ADGRL2: variants seen among roughly 807,000 people sequenced by gnomAD.
ADGRL2 encodes the protein adhesion G protein-coupled receptor L2, also known as calcium-independent alpha-latrotoxin receptor 2.
ADGRL2 carries 44 observed loss-of-function variants against 157.4 expected under a neutral mutation model. That is an observed-to-expected ratio of 0.28 (90% confidence interval 0.22 to 0.36). The LOEUF (loss-of-function observed/expected upper bound fraction) is 0.36. ADGRL2 is among the 10% of genes least tolerant of loss of function. ADGRL2 has a pLI of 1.00. For synonymous variants in ADGRL2, 585 were observed against 624.7 expected (o/e 0.94, Z 0.95); for missense variants, 1,510 against 1,768.9 (o/e 0.85, Z 2.63).
chr1:81,928,898 T>G (rs962486015), intron 3 of ADGRL2, among the ~76,000 whole-genome samples: 4 of 150,824 alleles, frequency 2.7e-5, no homozygotes, highest in African/African-American at 4.9e-5. Flanking sequence ...AGAAAGTAAC[T>G]CAGGAAAAAA....
chr1:81,458,853 G>A (rs2077862549), intron 2 of ADGRL2, among the ~76,000 whole-genome samples: 2 of 152,172 alleles, frequency 1.3e-5, no homozygotes, highest in South Asian at 4.1e-4. Context: ...GAACAGGGAC[G>A]TGTTACAGTT....
intron 2 of ADGRL2, among the ~76,000 whole-genome samples, chr1:81,870,530 A>G (rs1277572428): frequency 6.6e-6 from 1 of 152,108 alleles, no homozygotes; most frequent in African/African-American, 2.4e-5. Context: ...AGTAATACCC[A>G]TAGTGATAAT....
At chr1:81,502,003 C>T in intron 2 of ADGRL2, 1 of 1,606,678 alleles carries the variant, frequency 6.2e-7, no homozygotes, top group Non-Finnish European at 8.5e-7. Flanking sequence ...GAGTTCCACC[C>T]ACCGCAGCAG....
chr1:81,325,228 C>A (rs1334874469), intron 1 of ADGRL2, among the ~76,000 whole-genome samples: 3 of 152,156 alleles, frequency 2.0e-5, no homozygotes, highest in African/African-American at 4.8e-5. Context: ...CACGAAAGAA[C>A]TGTTTTTAAA....
At chr1:81,814,855 T>C (rs71646947) in intron 1 of ADGRL2, among the ~76,000 whole-genome samples, 405 of 151,794 alleles carry the variant, frequency 2.7e-3, no homozygotes, top group Non-Finnish European at 4.3e-3. Context: ...GTTAAAATCT[T>C]AGAATATCAA....
Position 81,950,369 on chromosome 1 carries a change from A to G in ADGRL2, c.1391A>G (p.Asn464Ser). The change falls in exon 7 of 24, where the codon AAT (asparagine) becomes AGT (serine). Residue 464 changes from asparagine to serine, a missense_variant. Around this residue, in one of 4 missense-constraint regions of ADGRL2, gnomAD observed 325 missense variants for 333.2 expected, o/e 0.98. Coordinates refer to ENST00000686636, the MANE Select transcript of ADGRL2 (RefSeq NM_001366006.2). ...VSTTKIPPIT[N>S]IFPLPERFCE... Reference sequence around the variant, plus strand: ...ACAACCAAAATTCCACCTATAACAAATATTTTTCCCCTGCCAGAGAGATTC... The same window carrying G: ...ACAACCAAAATTCCACCTATAACAAGTATTTTTCCCCTGCCAGAGAGATTC... 2 of 1,614,010 alleles carry G rather than the reference A, an allele frequency of 1.2e-6. No homozygotes were observed. The highest frequency in any genetic ancestry group is 1.7e-6 in the Non-Finnish European group (2 of 1,179,952).
chr1:81,314,446 A>G (rs1448803200), intron 1 of ADGRL2, among the ~76,000 whole-genome samples: 1 of 152,130 alleles, frequency 6.6e-6, no homozygotes, highest in African/African-American at 2.4e-5. Flanking sequence ...TTTAGTTTGT[A>G]CCCAGAGCAG....
rs879388366 is a variant in ADGRL2, at chr1:81,422,779, G to A, written c.-301-22257G>A. On this transcript the variant is annotated intron_variant, in intron 1 of 24. Coordinates refer to the ADGRL2 transcript ENST00000370721. The stretch of plus-strand genomic sequence containing the variant: ...TAATACCTGTCTTACATATGTGTGA[G>A]AATCAAATCAAATCAAATAATACAT... Among the ~76,000 whole-genome samples, 115 of 152,134 alleles carry A rather than the reference G, an allele frequency of 7.6e-4. 1 individual carries two copies. Among genetic ancestry groups the A allele is most frequent in the Admixed American group, 3.9e-4 (6 of 15,272 alleles).
chr1:81,428,848 G>A (rs942499733), intron 1 of ADGRL2, among the ~76,000 whole-genome samples: 2 of 152,086 alleles, frequency 1.3e-5, no homozygotes, highest in African/African-American at 2.4e-5. Flanking sequence ...CTGTGCTTCA[G>A]GATAGGGAAA....
chr1:81,879,634 A>T (rs946156792), intron 2 of ADGRL2, among the ~76,000 whole-genome samples: 15 of 152,204 alleles, frequency 9.9e-5, no homozygotes, highest in Non-Finnish European at 2.1e-4. Context: ...ATCAAGTGAT[A>T]ATAGAAACCC....
chr1:81,598,776 C>T (rs530712087), intron 3 of ADGRL2, among the ~76,000 whole-genome samples: 8 of 152,330 alleles, frequency 5.3e-5, no homozygotes, highest in South Asian at 2.1e-4. Context: ...GTTTCACAGT[C>T]GTGAAATATT....
intron 11 of ADGRL2, among the ~76,000 whole-genome samples, chr1:81,962,144 A>G (rs1048969181): frequency 6.6e-6 from 1 of 152,152 alleles, no homozygotes; most frequent in Non-Finnish European, 1.5e-5. Context: ...ACCTTCTTTT[A>G]CCAATTTAAT....
chr1:81,497,579 T>G (rs565302101), intron 2 of ADGRL2, among the ~76,000 whole-genome samples: 2 of 152,304 alleles, frequency 1.3e-5, no homozygotes, highest in South Asian at 4.1e-4. Context: ...TATTACAATT[T>G]TATGTTGTGA....
At chr1:81,790,372 C>T (rs2087274609) in intron 2 of ADGRL2, among the ~76,000 whole-genome samples, 1 of 151,862 alleles carries the variant, frequency 6.6e-6, no homozygotes, top group Admixed American at 6.6e-5. Flanking sequence ...ACTTAAATAA[C>T]ACACACACAC....
intron 2 of ADGRL2, among the ~76,000 whole-genome samples, chr1:81,885,590 C>T (rs2094109969): frequency 6.6e-6 from 1 of 152,110 alleles, no homozygotes; most frequent in Non-Finnish European, 1.5e-5. Flanking sequence ...AAGCTGAGTG[C>T]ATGTTACATG....
intron 3 of ADGRL2, among the ~76,000 whole-genome samples, chr1:81,687,048 C>T (rs368420195): frequency 2.2e-3 from 330 of 152,178 alleles, no homozygotes; most frequent in Admixed American, 4.3e-3. Context: ...ATTTTATGGC[C>T]TATCATATGG....
At chr1:81,391,113 T>A (rs2076543936) in intron 1 of ADGRL2, among the ~76,000 whole-genome samples, 1 of 152,306 alleles carries the variant, frequency 6.6e-6, no homozygotes, top group South Asian at 2.1e-4. Flanking sequence ...TAACAGGCAA[T>A]CAAGTTTGTT....
intron 1 of ADGRL2, among the ~76,000 whole-genome samples, chr1:81,377,411 GTTA>G (rs2076269087): frequency 6.6e-6 from 1 of 152,050 alleles, no homozygotes; most frequent in Non-Finnish European, 1.5e-5. Context: ...TCATCCTTTA[GTTA>G]TTATCAGTAT....
chr1:81,753,211 C>T (rs763888921), intron 1 of ADGRL2, among the ~76,000 whole-genome samples: 3 of 152,162 alleles, frequency 2.0e-5, no homozygotes, highest in African/African-American at 4.8e-5. Flanking sequence ...CACAGTTCCA[C>T]GTGGCTGGGG....
Sources: allele counts gnomAD v4.1 joint callset (sites outside exome capture counted in the v4.1 genomes callset), GRCh38; gene constraint gnomAD v4.1.1; regional missense constraint gnomAD v4.1.1; transcripts MANE v1.5; gene names NCBI Gene and HGNC (gene_info 2026-07-23, HGNC 2026-07-21).